The following DMD variants were observed in gnomAD, a reference collection of about 807,000 sequenced individuals.
DMD encodes dystrophin, also known as mutant dystrophin.
Under a neutral mutation model 330.1 loss-of-function variants are expected in DMD, and 63 were observed. That is an observed-to-expected ratio of 0.19 (90% CI 0.16 to 0.24). DMD has a LOEUF of 0.24. Ranked by LOEUF, DMD falls within the 10% of genes least tolerant of loss-of-function variation. DMD has a pLI of 1.00. For synonymous variants in DMD, 1,223 were observed against 959.8 expected, an observed-to-expected ratio of 1.27 and a Z score of -5.07; for missense variants, 3,344 against 2,684.1, an observed-to-expected ratio of 1.25 and a Z score of -5.43.
intron 7 of DMD, among the ~76,000 whole-genome samples, chrX:32,792,057 T>C (rs1377408470): frequency 1.8e-5 from 2 of 111,491 alleles, no homozygotes; most frequent in African/African-American, 6.5e-5. Flanking sequence ...GAAGAAACCT[T>C]ACAGGCCAGA....
intron 48 of DMD, among the ~76,000 whole-genome samples, chrX:31,850,274 C>T (rs59314308): frequency 8.9e-6 from 1 of 111,973 alleles, no homozygotes; most frequent in Non-Finnish European, 1.9e-5. Flanking sequence ...AAAAAACCTA[C>T]ACTTTGTAAA....
At chrX:32,586,662 A>G (rs919886950) in intron 13 of DMD, among the ~76,000 whole-genome samples, 1 of 110,536 alleles carries the variant, frequency 9.0e-6, no homozygotes, top group Non-Finnish European at 1.9e-5. Flanking sequence ...ACTGAAAAAA[A>G]TCACATAATT....
chrX:32,705,203 G>A (rs2064508392), intron 7 of DMD, among the ~76,000 whole-genome samples: 1 of 111,684 alleles, frequency 9.0e-6, no homozygotes, highest in Non-Finnish European at 1.9e-5. Flanking sequence ...TGCAAGATAT[G>A]TTCTGCCTTA....
chrX:33,138,227 A>G (rs2047617134), intron 1 of DMD, among the ~76,000 whole-genome samples: 1 of 111,958 alleles, frequency 8.9e-6, no homozygotes, highest in Non-Finnish European at 1.9e-5. Context: ...ATCTGTCTAT[A>G]TTGTCTCCAT....
intron 44 of DMD, among the ~76,000 whole-genome samples, chrX:32,166,035 C>T (rs2096867226): frequency 1.8e-5 from 2 of 111,424 alleles, no homozygotes; most frequent in Non-Finnish European, 3.8e-5. Flanking sequence ...AACCTCTTTC[C>T]TTTATAAATT....
intron 12 of DMD, among the ~76,000 whole-genome samples, chrX:32,596,879 T>A (rs1407634901): frequency 1.8e-5 from 2 of 111,330 alleles, no homozygotes; most frequent in Non-Finnish European, 3.8e-5. Context: ...TTACTCGTTT[T>A]TTCCCTTCCG....
intron 7 of DMD, 65 bp downstream of exon 7, chrX:32,809,428 A>G: frequency 1.1e-6 from 1 of 911,183 alleles, no homozygotes; most frequent in South Asian, 2.0e-5. Context: ...AGAAATGACA[A>G]GTCTCAGATG....
chrX:31,169,627 G>A, intron 73 of DMD, 26 bp from the exon 74 acceptor site: 3 of 1,177,326 alleles, frequency 2.5e-6, no homozygotes, highest in Non-Finnish European at 3.4e-6. Context: ...AAAGGTTTTG[G>A]TTTTTTCCCC....
chrX:32,570,307 C>A (rs959226779), intron 15 of DMD, among the ~76,000 whole-genome samples: 1 of 111,775 alleles, frequency 8.9e-6, no homozygotes, highest in Non-Finnish European at 1.9e-5. Flanking sequence ...CCTGAGTCAG[C>A]AAAGGAATTT....
At chrX:32,746,880 G>A (rs1366636821) in intron 7 of DMD, among the ~76,000 whole-genome samples, 2 of 110,480 alleles carry the variant, frequency 1.8e-5, no homozygotes, top group African/African-American at 3.3e-5. Flanking sequence ...TACCCTCCCC[G>A]GCTTCTGCTA....
At chrX:31,124,508 A>G (rs2033341122) in intron 78 of DMD, among the ~76,000 whole-genome samples, 1 of 111,782 alleles carries the variant, frequency 8.9e-6, no homozygotes, top group African/African-American at 3.3e-5. Context: ...AGATTTTTCT[A>G]AAGTCAAAAT....
At chrX:31,610,933 C>G (rs183840346) in intron 55 of DMD, among the ~76,000 whole-genome samples, 1 of 111,043 alleles carries the variant, frequency 9.0e-6, no homozygotes, top group African/African-American at 3.3e-5. Flanking sequence ...ATCTTCAAAA[C>G]AGTGGGAAGA....
At chrX:33,155,273 A>G (rs1006072370) in intron 1 of DMD, among the ~76,000 whole-genome samples, 1 of 110,615 alleles carries the variant, frequency 9.0e-6, no homozygotes, top group Non-Finnish European at 1.9e-5. Flanking sequence ...TCACAATATC[A>G]ATCATTGTTG....
rs377551852 is a variant in DMD at position 32,210,264 on chromosome X, G to A, written c.6438+6652C>T. ...TTCCGGCTGATTCCCTTATGCTAGT[G>A]TATGTCTTCTAGTTACAGAAACCAG... On this transcript the variant is annotated intron_variant, in intron 44 of 78. Transcript: ENST00000357033. Among the ~76,000 whole-genome samples, 47 of 112,112 alleles carry A rather than the reference G, an allele frequency of 4.2e-4. No individual in the cohort carries two copies. In the South Asian group the frequency reaches 0.018, roughly 42 times the overall value.
chrX:32,631,546 C>T (rs1185884086), intron 11 of DMD, among the ~76,000 whole-genome samples: 1 of 111,718 alleles, frequency 9.0e-6, no homozygotes, highest in African/African-American at 3.3e-5. Context: ...AGAAAAGAGG[C>T]TTAAATGGCT....
chrX:32,418,972 C>CAGAA (rs1385981990), intron 29 of DMD, among the ~76,000 whole-genome samples: 2 of 13,511 alleles, frequency 1.5e-4, no homozygotes, highest in Non-Finnish European at 3.0e-4. Context: ...GACTCTGTCT[C>CAGAA]AAAAAAAAAA....
At chrX:32,222,949 G>C (rs896510781) in intron 43 of DMD, among the ~76,000 whole-genome samples, 3 of 111,405 alleles carry the variant, frequency 2.7e-5, no homozygotes, top group African/African-American at 6.5e-5. Flanking sequence ...ACATAATATA[G>C]GGAACCATTC....
rs189506822 is a variant in DMD at position 32,489,280 on chromosome X, T to C, written c.2622+1997A>G. Among the ~76,000 whole-genome samples the C allele has an allele frequency of 2.9e-3, 319 of 110,128 alleles. 5 individuals are homozygous for C. The highest frequency in any genetic ancestry group is 9.8e-3 in the African/African-American group (296 of 30,259). ...GAAGTCCTAACCATTGGTGAGACTA[T>C]TTGGTGATAGGACTTTTAAGAGGTA... is the stretch of plus-strand genomic sequence containing the variant. On this transcript the variant is annotated intron_variant, in intron 20 of 78. Coordinates refer to ENST00000357033, the MANE Select transcript of DMD (RefSeq NM_004006.3).
At chrX:31,504,943 G>C (rs1391829493) in intron 56 of DMD, among the ~76,000 whole-genome samples, 1 of 112,046 alleles carries the variant, frequency 8.9e-6, no homozygotes, top group Non-Finnish European at 1.9e-5. Context: ...ATGACAGCAA[G>C]AATCAAACTG....
Sources: gnomAD v4.1 joint callset for allele counts (sites outside exome capture counted in the v4.1 genomes callset) on GRCh38, gnomAD v4.1.1 for gene constraint, MANE v1.5 for transcripts, NCBI Gene and HGNC (gene_info 2026-07-23, HGNC 2026-07-21) for gene names.